ABCA4: variants seen among roughly 807,000 people sequenced by gnomAD.
The protein encoded by ABCA4 is retinal-specific phospholipid-transporting ATPase ABCA4.
ABCA4 carries 196 observed loss-of-function variants against 263.7 expected under a neutral mutation model. That is an observed-to-expected ratio of 0.74 (90% CI 0.66 to 0.84). The LOEUF (loss-of-function observed/expected upper bound fraction) is 0.84. Ranked by LOEUF, ABCA4 falls within the 40% of genes least tolerant of loss-of-function variation. The pLI, the probability that ABCA4 is intolerant of heterozygous loss-of-function variation, is 0.00. For synonymous variants in ABCA4, 1,133 were observed against 1,094.2 expected, an observed-to-expected ratio of 1.04 and a Z score of -0.70; for missense variants, 2,792 against 2,855.1, an observed-to-expected ratio of 0.98 and a Z score of 0.50.
At chr1:93,995,209 A>T (rs1658966498) in intron 49 of ABCA4, among the ~76,000 whole-genome samples, 1 of 152,236 alleles carries the variant, frequency 6.6e-6, no homozygotes, top group African/African-American at 2.4e-5. Flanking sequence ...AAGGGAAAAA[A>T]TTCATCACAA....
chr1:94,006,281 G>T (rs1659382740), intron 43 of ABCA4, among the ~76,000 whole-genome samples: 1 of 100,508 alleles, frequency 9.9e-6, no homozygotes, highest in Admixed American at 8.8e-5. Context: ...GCCACCAAAG[G>T]CATGGCTGGG....
intron 11 of ABCA4, among the ~76,000 whole-genome samples, chr1:94,070,540 T>C (rs930800907): frequency 4.6e-5 from 7 of 152,186 alleles, no homozygotes; most frequent in Admixed American, 2.0e-4. Flanking sequence ...GTCTATTCTA[T>C]GTGACTACAG....
intron 39 of ABCA4, 34 bp from the exon 40 acceptor site, chr1:94,010,963 C>T (rs778827190): frequency 2.2e-5 from 35 of 1,613,748 alleles, no homozygotes; most frequent in Middle Eastern, 3.3e-4. Context: ...CCACTTCAGC[C>T]GCCCCAGCTC....
At chr1:94,028,605 GTTAAT>G (rs2101031918) in intron 30 of ABCA4, among the ~76,000 whole-genome samples, 1 of 152,320 alleles carries the variant, frequency 6.6e-6, no homozygotes, top group African/African-American at 2.4e-5. Flanking sequence ...TGGGAGATCA[GTTAAT>G]TTAAAGTAAC....
chr1:94,055,827 G>A (rs1020715184), intron 15 of ABCA4, among the ~76,000 whole-genome samples: 4 of 152,204 alleles, frequency 2.6e-5, no homozygotes, highest in South Asian at 2.1e-4. Context: ...AGTGTGAGTC[G>A]TGAGAACAAG....
chr1:94,083,212 T>G, intron 7 of ABCA4, 140 bp downstream of exon 7: 1 of 812,630 alleles, frequency 1.2e-6, no homozygotes, highest in East Asian at 2.4e-5. Flanking sequence ...TGTGAACAGG[T>G]GCTTTGAAAT....
At chr1:94,049,694 A>G (rs1396556010) in intron 17 of ABCA4, among the ~76,000 whole-genome samples, 1 of 152,162 alleles carries the variant, frequency 6.6e-6, no homozygotes, top group Non-Finnish European at 1.5e-5. Context: ...TACAGCTTGA[A>G]TATATGGTTT....
At position 94,046,921 on chromosome 1, in the gene ABCA4, G is replaced by A; in HGVS notation, c.2916C>T (p.Thr972=). 1 of 1,614,100 alleles carries A rather than the reference G, an allele frequency of 6.2e-7. No individual in the cohort carries two copies. Among genetic ancestry groups the A allele is most frequent in the Non-Finnish European group, 8.5e-7 (1 of 1,180,010 alleles). ...LGHNGAGKTT[T]LSILTGLLPP... The stretch of plus-strand genomic sequence containing the variant: ...AGCTTCTCTGCTGGAAGACTCACAA[G>A]GTGGTGGTTTTCCCAGCTCCATTGT... The change falls in exon 19 of 50, where the codon ACC becomes ACT. Residue 972 remains threonine, a splice_region_variant and synonymous_variant. Transcript: ENST00000370225.
intron 13 of ABCA4, among the ~76,000 whole-genome samples, chr1:94,061,184 C>T (rs150890698): frequency 4.5e-4 from 68 of 152,292 alleles, no homozygotes; most frequent in African/African-American, 1.6e-3. Context: ...AGAGCAATAA[C>T]TTGGCTCCCC....
chr1:94,116,968 C>CTTTCTTTTTCTTTCTT (rs764312285), intron 1 of ABCA4, among the ~76,000 whole-genome samples: 64 of 100,052 alleles, frequency 6.4e-4, no homozygotes, highest in African/African-American at 2.5e-3. Flanking sequence ...TTCTTTCTTT[C>CTTTCTTTTTCTTTCTT]TCTTTCTTTC....
chr1:93,996,682 ATT>A (rs375865755), intron 48 of ABCA4, among the ~76,000 whole-genome samples: 12 of 152,134 alleles, frequency 7.9e-5, no homozygotes, highest in African/African-American at 2.7e-4. Flanking sequence ...AAAGATGTTT[ATT>A]TTTAAAAAAA....
chr1:94,041,389 G>T lies in ABCA4; in HGVS notation c.3342C>A (p.Ile1114=), dbSNP rs754174877. ...LLKYRSGRTI[I]MSTHHMDEAD... is the part of the protein sequence containing the mutation. ...CCTCGTCCATGTGGTGAGTGGACAT[G>T]ATGATGGTTCTGCCTGCAAGGTAGG... The change falls in exon 23 of 50, where the codon ATC becomes ATA. Residue 1114 remains isoleucine (I), a synonymous_variant. Transcript: ENST00000370225. The T allele has an allele frequency of 1.2e-6, 2 of 1,613,888 alleles. No individual in the cohort carries two copies. The highest frequency in any genetic ancestry group is 2.2e-5 in the South Asian group (2 of 91,064).
At chr1:94,042,496 C>G (rs529783906) in intron 22 of ABCA4, among the ~76,000 whole-genome samples, 3 of 152,282 alleles carry the variant, frequency 2.0e-5, no homozygotes, top group African/African-American at 4.8e-5. Context: ...ATCCATTATT[C>G]CAGACAGAAG....
chr1:94,104,840 C>A (rs182837262), intron 4 of ABCA4, among the ~76,000 whole-genome samples: 14 of 152,306 alleles, frequency 9.2e-5, no homozygotes, highest in Middle Eastern at 3.4e-3. Flanking sequence ...CCAAACCCAG[C>A]CCTCCTGCTT....
chr1:94,097,523 A>G (rs1156829844), intron 6 of ABCA4, among the ~76,000 whole-genome samples: 1 of 152,238 alleles, frequency 6.6e-6, no homozygotes, highest in Admixed American at 6.5e-5. Flanking sequence ...GCAAAAGAAA[A>G]AAAACATAAT....
intron 48 of ABCA4, among the ~76,000 whole-genome samples, chr1:93,996,785 A>G (rs745377850): frequency 1.3e-5 from 2 of 152,234 alleles, no homozygotes; most frequent in Non-Finnish European, 2.9e-5. Flanking sequence ...TATACGTACA[A>G]AGGAATATTA....
intron 6 of ABCA4, among the ~76,000 whole-genome samples, chr1:94,096,961 G>A (rs534080035): frequency 6.6e-6 from 1 of 152,306 alleles, no homozygotes; most frequent in South Asian, 2.1e-4. Flanking sequence ...GGGAGCCTCT[G>A]GTGGCTCTGC....
rs1489203291 is a variant in ABCA4 at position 94,043,359 on chromosome 1, T to A, written c.3167A>T (p.Asn1056Ile). 6.2e-7 allele frequency: 1 copy of A among 1,614,028 alleles called. No homozygotes were observed. The highest frequency in any genetic ancestry group is 1.3e-5 in the African/African-American group (1 of 74,912). ...ACCTGATAGGTCCTGAGCCTCTTCATTCCGCTTGTGGTGGAGGCCTGTGTC... is the reference window on the plus strand; with the variant it reads ...ACCTGATAGGTCCTGAGCCTCTTCAATCCGCTTGTGGTGGAGGCCTGTGTC... The part of the protein sequence containing the change: ...LEDTGLHHKR[N>I]EEAQDLSGGM... The change falls in exon 21 of 50, where the codon AAT becomes ATT. Residue 1056 changes from asparagine to isoleucine, a missense_variant. Physicochemically the swap from Asn to Ile is moderately radical, Grantham distance 149 (BLOSUM62 -3). Transcript: ENST00000370225.
At chr1:94,033,990 C>G (rs1379154755) in intron 26 of ABCA4, among the ~76,000 whole-genome samples, 1 of 152,200 alleles carries the variant, frequency 6.6e-6, no homozygotes, top group Non-Finnish European at 1.5e-5. Context: ...CTGGAGCCCA[C>G]TGACCTGGCC....
Sources: allele counts gnomAD v4.1 joint callset (sites outside exome capture counted in the v4.1 genomes callset), GRCh38; gene constraint gnomAD v4.1.1; transcripts MANE v1.5; gene names NCBI Gene and HGNC (gene_info 2026-07-23, HGNC 2026-07-21).